TMEM117: variants seen among roughly 807,000 people sequenced by gnomAD.
TMEM117 encodes the protein transmembrane protein 117.
A neutral mutation model predicts 52.4 loss-of-function variants in TMEM117; 27 were observed. The ratio of observed to expected loss-of-function variants is 0.51; its 90% CI spans 0.38 to 0.71. The LOEUF is 0.71. Ranked by LOEUF, TMEM117 falls within the 30% of genes least tolerant of loss-of-function variation. The pLI, the probability that TMEM117 is intolerant of heterozygous loss-of-function variation, is 0.00. For missense variants in TMEM117, 556 were observed against 630.5 expected (o/e 0.88, Z 1.26); for synonymous variants, 215 against 206.3 (o/e 1.04, Z -0.36).
chr12:44,135,338 A>C (rs1369142763), intron 3 of TMEM117, among the ~76,000 whole-genome samples: 1 of 152,186 alleles, frequency 6.6e-6, no homozygotes, highest in Non-Finnish European at 1.5e-5. Context: ...TCCCTTGAGA[A>C]TTTATGAGTT....
chr12:44,156,827 A>C (rs1948831902), intron 4 of TMEM117, among the ~76,000 whole-genome samples: 2 of 152,100 alleles, frequency 1.3e-5, no homozygotes, highest in African/African-American at 4.8e-5. Flanking sequence ...GGGCCTGTAC[A>C]TTGCCACGAG....
At chr12:44,005,741 A>T (rs1418121033) in intron 3 of TMEM117, among the ~76,000 whole-genome samples, 1 of 152,198 alleles carries the variant, frequency 6.6e-6, no homozygotes, top group African/African-American at 2.4e-5. Flanking sequence ...TAACTCCCAC[A>T]ATGCCCACAT....
At chr12:44,229,228 C>A (rs1230131916) in intron 5 of TMEM117, among the ~76,000 whole-genome samples, 1 of 151,814 alleles carries the variant, frequency 6.6e-6, no homozygotes, top group Non-Finnish European at 1.5e-5. Context: ...CTGCTAGCCA[C>A]CCAAGTTATG....
chr12:43,886,528 T>TA (rs1484319802), intron 2 of TMEM117, among the ~76,000 whole-genome samples: 1 of 152,142 alleles, frequency 6.6e-6, no homozygotes, highest in Non-Finnish European at 1.5e-5. Flanking sequence ...TTGCATAGCT[T>TA]AAAAAATTGG....
At chr12:44,109,861 T>C (rs1948026503) in intron 3 of TMEM117, among the ~76,000 whole-genome samples, 2 of 54,370 alleles carry the variant, frequency 3.7e-5, no homozygotes, top group Admixed American at 2.1e-4. Flanking sequence ...CTTCCATTTG[T>C]TTGTGTCCTC....
At chr12:44,137,249 T>C (rs1352766837) in intron 3 of TMEM117, among the ~76,000 whole-genome samples, 5 of 152,104 alleles carry the variant, frequency 3.3e-5, no homozygotes, top group Non-Finnish European at 7.4e-5. Flanking sequence ...AGGGAAGCGA[T>C]AACTTTCAAA....
At chr12:44,370,760 C>T (rs59165643) in intron 6 of TMEM117, among the ~76,000 whole-genome samples, 5,013 of 152,062 alleles carry the variant, frequency 0.033, 285 homozygotes, top group African/African-American at 0.11. Flanking sequence ...TCAAGTGATC[C>T]GCCCGCCTTG....
At chr12:44,104,653 C>T (rs1947921787) in intron 3 of TMEM117, among the ~76,000 whole-genome samples, 1 of 151,988 alleles carries the variant, frequency 6.6e-6, no homozygotes, top group South Asian at 2.1e-4. Context: ...ACATTTCTTG[C>T]AAGGCAGGTC....
intron 2 of TMEM117, among the ~76,000 whole-genome samples, chr12:43,904,892 C>T (rs1039873763): frequency 6.6e-6 from 1 of 152,186 alleles, no homozygotes; most frequent in Non-Finnish European, 1.5e-5. Flanking sequence ...GCCTGTAATC[C>T]CAGCACTTTG....
intron 3 of TMEM117, among the ~76,000 whole-genome samples, chr12:44,105,521 C>A (rs1947938033): frequency 6.6e-6 from 1 of 151,586 alleles, no homozygotes; most frequent in African/African-American, 2.4e-5. Context: ...TTTAGTATAC[C>A]TGGTAATCAT....
At chr12:44,114,785 C>A (rs778771419) in intron 3 of TMEM117, among the ~76,000 whole-genome samples, 5 of 152,130 alleles carry the variant, frequency 3.3e-5, no homozygotes, top group Non-Finnish European at 5.9e-5. Context: ...ACACATTATT[C>A]TTCTGTGCGT....
At chr12:44,236,185 TATAG>T (rs974964465) in intron 5 of TMEM117, among the ~76,000 whole-genome samples, 5 of 145,304 alleles carry the variant, frequency 3.4e-5, no homozygotes, top group East Asian at 2.0e-4. Flanking sequence ...TATATATATA[TATAG>T]AGAGAGAGAG....
intron 3 of TMEM117, among the ~76,000 whole-genome samples, chr12:44,003,721 C>A (rs1338941599): frequency 1.3e-5 from 2 of 152,188 alleles, no homozygotes; most frequent in Non-Finnish European, 2.9e-5. Context: ...TGTCTCTTAG[C>A]CATGTGCTGA....
rs554408798 is a variant in TMEM117, at chr12:43,917,363, A to G, written c.278-26847A>G. Among the ~76,000 whole-genome samples, 8 of 152,310 alleles carry G rather than the reference A, an allele frequency of 5.3e-5. No individual in the cohort carries two copies. The East Asian group carries it at 1.5e-3, about 29-fold the overall frequency. On this transcript the variant is annotated intron_variant, in intron 2 of 7. Transcript: ENST00000266534. ...CTGCAAGATCTTGTCTCTAAAAACA[A>G]AGAAAGAATGCTAACTCACCTTGAG...
intron 6 of TMEM117, among the ~76,000 whole-genome samples, chr12:44,371,308 T>G (rs960796762): frequency 3.9e-5 from 6 of 152,142 alleles, no homozygotes; most frequent in East Asian, 3.8e-4. Flanking sequence ...TAGAAAGAAA[T>G]AAATATATCT....
rs533236456 is a variant in TMEM117, at chr12:44,097,022, A to G, written c.411-46503A>G. On this transcript the variant is annotated intron_variant, in intron 3 of 7. Coordinates refer to ENST00000266534, the MANE Select transcript of TMEM117 (RefSeq NM_032256.3). ...TGAACTCAAACAAATTTACAAGAAAAAAACAAACAACCTCATCAAAAAGTG... is the reference window on the plus strand; with the variant it reads ...TGAACTCAAACAAATTTACAAGAAAGAAACAAACAACCTCATCAAAAAGTG... Among the ~76,000 whole-genome samples, 248 of 152,324 alleles carry G rather than the reference A, an allele frequency of 1.6e-3. 3 individuals carry two copies. The highest frequency in any genetic ancestry group is 5.6e-3 in the African/African-American group (233 of 41,554).
chr12:44,064,054 G>T (rs73091745), intron 3 of TMEM117, among the ~76,000 whole-genome samples: 14,766 of 151,922 alleles, frequency 0.097, 1,123 homozygotes, highest in African/African-American at 0.21. Flanking sequence ...CTCCTTGAAG[G>T]GATTACTGAG....
chr12:43,881,909 A>G (rs943141409), intron 2 of TMEM117, among the ~76,000 whole-genome samples: 11 of 150,572 alleles, frequency 7.3e-5, no homozygotes, highest in Non-Finnish European at 5.9e-5. Context: ...CATCTCTACT[A>G]AAAATACAAA....
intron 6 of TMEM117, among the ~76,000 whole-genome samples, chr12:44,363,626 A>G: frequency 6.6e-6 from 1 of 152,164 alleles, no homozygotes. Flanking sequence ...AGTAAAATTG[A>G]AAAAAATCTT....
Sources: allele counts gnomAD v4.1 joint callset (sites outside exome capture counted in the v4.1 genomes callset), GRCh38; gene constraint gnomAD v4.1.1; transcripts MANE v1.5; gene names NCBI Gene and HGNC (gene_info 2026-07-23, HGNC 2026-07-21).